Variants in SYT1 observed in about 807,000 individuals in gnomAD.
SYT1 encodes the protein synaptotagmin 1.
SYT1 carries 8 observed loss-of-function variants against 44.8 expected under a neutral mutation model. That is an observed-to-expected ratio of 0.18 (90% confidence interval 0.10 to 0.32). The LOEUF is 0.32. SYT1 is among the 10% of genes least tolerant of loss of function. The pLI is 1.00. For synonymous variants in SYT1, 154 were observed against 188.8 expected (o/e 0.82, Z 1.51); for missense variants, 286 against 509.3 (o/e 0.56, Z 4.22).
At chr12:79,218,375 T>A (rs1874942945) in intron 4 of SYT1, among the ~76,000 whole-genome samples, 1 of 152,222 alleles carries the variant, frequency 6.6e-6, no homozygotes, top group African/African-American at 2.4e-5. Context: ...TGTGAGATTA[T>A]GCATATGTCA....
chr12:79,337,210 A>T (rs1416832876), intron 8 of SYT1, among the ~76,000 whole-genome samples: 1 of 152,182 alleles, frequency 6.6e-6, no homozygotes, highest in East Asian at 1.9e-4. Context: ...GGAGGAGAAC[A>T]TGCTCAGAGT....
intron 8 of SYT1, among the ~76,000 whole-genome samples, chr12:79,311,064 G>A (rs1359399475): frequency 2.0e-5 from 3 of 152,252 alleles, no homozygotes; most frequent in Non-Finnish European, 2.9e-5. Flanking sequence ...GAATAGGAGT[G>A]GTGAGAGAGG....
intron 3 of SYT1, among the ~76,000 whole-genome samples, chr12:79,117,703 ATATATATAT>A (rs1401028608): frequency 6.6e-5 from 8 of 120,788 alleles, no homozygotes; most frequent in Non-Finnish European, 1.2e-4. Flanking sequence ...ATATATATAT[ATATATATAT>A]ATAAAATAAA....
At chr12:79,342,160 G>T (rs1882406002) in intron 8 of SYT1, among the ~76,000 whole-genome samples, 1 of 152,148 alleles carries the variant, frequency 6.6e-6, no homozygotes, top group South Asian at 2.1e-4. Flanking sequence ...TATTCTAAAT[G>T]ATCATAAGAA....
intron 3 of SYT1, among the ~76,000 whole-genome samples, chr12:79,151,294 T>A (rs552254436): frequency 6.6e-6 from 1 of 152,162 alleles, no homozygotes; most frequent in Non-Finnish European, 1.5e-5. Flanking sequence ...TAAAGTTCCA[T>A]ATTTACTAAG....
chr12:79,386,475 A>G (rs1047032127), intron 9 of SYT1, among the ~76,000 whole-genome samples: 1 of 151,900 alleles, frequency 6.6e-6, no homozygotes, highest in African/African-American at 2.4e-5. Context: ...TACATTAGGT[A>G]TTTCTCTTAA....
chr12:79,080,147 A>G (rs1407335719), intron 3 of SYT1, among the ~76,000 whole-genome samples: 2 of 152,106 alleles, frequency 1.3e-5, no homozygotes, highest in Admixed American at 6.6e-5. Context: ...TCCTCATTTT[A>G]TGTTTAATAT....
rs116856249 is a variant in SYT1 at position 79,291,905 on chromosome 12, A to G, written c.352-103A>G. 1.7e-4 allele frequency: 231 copies of G among 1,348,966 alleles called. No individual in the cohort carries two copies. The East Asian group carries it at 5.2e-3, about 30-fold the overall frequency. 83.6% of individuals were successfully genotyped at this position (1,348,966 alleles called of 1,614,324 possible). ...CAGACAAACAGATTTCCAGCATCTT[A>G]GTGCTTGCTTCGAACAGCTTGGAAG... On this transcript the variant is annotated intron_variant, in intron 5 of 10. Coordinates refer to ENST00000261205, the MANE Select transcript of SYT1 (RefSeq NM_005639.3).
chr12:79,445,171 T>G (rs994030852), intron 10 of SYT1, among the ~76,000 whole-genome samples: 4 of 152,108 alleles, frequency 2.6e-5, no homozygotes, highest in African/African-American at 9.7e-5. Flanking sequence ...TTATTTTATT[T>G]TATTTATTTT....
intron 9 of SYT1, among the ~76,000 whole-genome samples, chr12:79,429,649 C>T (rs1031794423): frequency 6.6e-6 from 1 of 152,160 alleles, no homozygotes; most frequent in African/African-American, 2.4e-5. Context: ...CTGCCTCAGC[C>T]TCCCGAGTAG....
intron 1 of SYT1, among the ~76,000 whole-genome samples, chr12:78,880,271 G>T (rs1250704691): frequency 2.6e-5 from 4 of 151,198 alleles, no homozygotes; most frequent in African/African-American, 9.7e-5. Flanking sequence ...CTTCCCACTG[G>T]ATGGAATGCA....
chr12:78,920,337 G>T (rs945072265), intron 1 of SYT1, among the ~76,000 whole-genome samples: 1 of 151,916 alleles, frequency 6.6e-6, no homozygotes, highest in African/African-American at 2.4e-5. Flanking sequence ...TGACTGGGTT[G>T]TCTTATGAGC....
Position 78,870,881 on chromosome 12 carries a change from G to A in SYT1, c.-217+5772G>A, listed in dbSNP as rs141385343. ...CATCAACATGAAGGCAAAAGGACAT[G>A]AATACTCAGTCAAAACATGCAGAGC... On this transcript the variant is annotated intron_variant, in intron 1 of 10. Transcript: ENST00000261205. Among the ~76,000 whole-genome samples, 11 of 152,114 alleles carry A rather than the reference G, an allele frequency of 7.2e-5. No homozygotes were observed. The East Asian group carries it at 1.9e-3, about 27-fold the overall frequency.
chr12:78,947,387 A>G (rs1481327790), intron 1 of SYT1, among the ~76,000 whole-genome samples: 2 of 150,570 alleles, frequency 1.3e-5, no homozygotes, highest in African/African-American at 2.4e-5. Flanking sequence ...TAGAATTGGA[A>G]ACCCAGTGGC....
At chr12:79,227,385 G>T (rs1875586382) in intron 4 of SYT1, among the ~76,000 whole-genome samples, 1 of 152,022 alleles carries the variant, frequency 6.6e-6, no homozygotes, top group African/African-American at 2.4e-5. Flanking sequence ...GCCATGGTTG[G>T]TCTGTAAAGC....
intron 9 of SYT1, among the ~76,000 whole-genome samples, chr12:79,420,445 C>T (rs1415890256): frequency 1.3e-5 from 2 of 152,016 alleles, no homozygotes; most frequent in Admixed American, 6.6e-5. Context: ...CCTTTGACCT[C>T]AGTTACTCTT....
At chr12:78,948,452 CTAT>C (rs1313358853) in intron 1 of SYT1, among the ~76,000 whole-genome samples, 1 of 151,826 alleles carries the variant, frequency 6.6e-6, no homozygotes, top group East Asian at 1.9e-4. Context: ...TGAAAATATA[CTAT>C]TATTAGTGAT....
chr12:79,257,670 G>C (rs1156353729), intron 4 of SYT1, among the ~76,000 whole-genome samples: 1 of 152,164 alleles, frequency 6.6e-6, no homozygotes, highest in Non-Finnish European at 1.5e-5. Flanking sequence ...TGTATTTTTA[G>C]TAGAGACAGG....
At chr12:79,417,827 A>G (rs1248826712) in intron 9 of SYT1, among the ~76,000 whole-genome samples, 1 of 150,326 alleles carries the variant, frequency 6.7e-6, no homozygotes, top group Non-Finnish European at 1.5e-5. Context: ...AGAACCTCTA[A>G]AGTTGTGCTT....
Sources: allele counts gnomAD v4.1 joint callset (sites outside exome capture counted in the v4.1 genomes callset), GRCh38; gene constraint gnomAD v4.1.1; transcripts MANE v1.5; gene names NCBI Gene and HGNC (gene_info 2026-07-23, HGNC 2026-07-21).